NKAIN3: variants seen among roughly 807,000 people sequenced by gnomAD.
The protein encoded by NKAIN3 is sodium/potassium transporting ATPase interacting 3, also known as sodium/potassium-transporting ATPase subunit beta-1-interacting protein 3.
In NKAIN3, 25 loss-of-function variants were observed where a neutral mutation model predicts 30.2. That is an observed-to-expected ratio of 0.83 (90% CI 0.60 to 1.16). The LOEUF (loss-of-function observed/expected upper bound fraction) is 1.16. NKAIN3 is among the 50% of genes most tolerant of loss of function. The pLI is 0.00. For missense variants in NKAIN3, 225 were observed against 254.1 expected, an observed-to-expected ratio of 0.89 and a Z score of 0.78; for synonymous variants, 91 against 89.6, an observed-to-expected ratio of 1.02 and a Z score of -0.09.
intron 3 of NKAIN3, among the ~76,000 whole-genome samples, chr8:62,697,994 T>G (rs1043089653): frequency 2.6e-5 from 4 of 152,212 alleles, no homozygotes; most frequent in African/African-American, 9.6e-5. Flanking sequence ...TTGTTCATTT[T>G]GTTAACCTTT....
intron 1 of NKAIN3, among the ~76,000 whole-genome samples, chr8:62,359,329 A>C (rs1816471196): frequency 6.6e-6 from 1 of 152,234 alleles, no homozygotes. Flanking sequence ...ATTGAGACAC[A>C]GTTACAGACA....
chr8:62,729,303 A>C (rs1020429837), intron 3 of NKAIN3, among the ~76,000 whole-genome samples: 1 of 152,120 alleles, frequency 6.6e-6, no homozygotes, highest in African/African-American at 2.4e-5. Context: ...AGAAATACAA[A>C]TTAAAACAAC....
At chr8:62,869,681 G>C (rs974326510) in intron 4 of NKAIN3, among the ~76,000 whole-genome samples, 5 of 152,192 alleles carry the variant, frequency 3.3e-5, no homozygotes, top group Admixed American at 2.0e-4. Flanking sequence ...CCCCTTGCGG[G>C]GGGTAGGTGG....
At chr8:62,752,253 T>C (rs1400610776) in intron 4 of NKAIN3, among the ~76,000 whole-genome samples, 1 of 152,182 alleles carries the variant, frequency 6.6e-6, no homozygotes, top group South Asian at 2.1e-4. Flanking sequence ...ATTCAATACA[T>C]ACTAGTTTCA....
At chr8:62,931,231 A>C (rs1237014913) in intron 5 of NKAIN3, among the ~76,000 whole-genome samples, 1 of 152,230 alleles carries the variant, frequency 6.6e-6, no homozygotes, top group East Asian at 1.9e-4. Context: ...CATAAATTAA[A>C]TCTCAAGTTT....
intron 1 of NKAIN3, among the ~76,000 whole-genome samples, chr8:62,564,107 T>C (rs190913521): frequency 4.6e-5 from 7 of 152,346 alleles, no homozygotes; most frequent in Admixed American, 4.6e-4. Flanking sequence ...CTGCTTTCAA[T>C]GATTGTAACA....
intron 1 of NKAIN3, among the ~76,000 whole-genome samples, chr8:62,413,744 A>T (rs1804339639): frequency 6.6e-6 from 1 of 152,154 alleles, no homozygotes; most frequent in African/African-American, 2.4e-5. Context: ...TAAATAAAAG[A>T]TATCATAATA....
At chr8:62,692,387 C>A (rs1252502433) in intron 3 of NKAIN3, among the ~76,000 whole-genome samples, 1 of 152,094 alleles carries the variant, frequency 6.6e-6, no homozygotes, top group Non-Finnish European at 1.5e-5. Flanking sequence ...TTGAGAAAAG[C>A]ACAACACAGG....
intron 4 of NKAIN3, among the ~76,000 whole-genome samples, chr8:62,859,508 T>TAAACAAAAAAAAAAAAAAAAAAAA (rs1820173402): frequency 1.7e-5 from 1 of 60,442 alleles, no homozygotes; most frequent in African/African-American, 5.6e-5. Context: ...TTACTTCAAC[T>TAAACAAAAAAAAAAAAAAAAAAAA]AAAAAAAAAA....
At chr8:62,766,186 T>A (rs1816833027) in intron 4 of NKAIN3, among the ~76,000 whole-genome samples, 1 of 152,090 alleles carries the variant, frequency 6.6e-6, no homozygotes, top group South Asian at 2.1e-4. Flanking sequence ...AGAGAAAAAA[T>A]TATCTGACAA....
intron 1 of NKAIN3, among the ~76,000 whole-genome samples, chr8:62,354,461 T>G (rs13280851): frequency 0.076 from 11,501 of 152,212 alleles, 529 homozygotes; most frequent in Middle Eastern, 0.13. Flanking sequence ...TCTTTTTTCT[T>G]TTTTGAGACG....
At chr8:62,378,178 G>A (rs1817154551) in intron 1 of NKAIN3, among the ~76,000 whole-genome samples, 1 of 152,188 alleles carries the variant, frequency 6.6e-6, no homozygotes, top group African/African-American at 2.4e-5. Context: ...CTCTTGCTAT[G>A]CAAAGAGACT....
chr8:62,866,925 G>C (rs965773690), intron 4 of NKAIN3, among the ~76,000 whole-genome samples: 2 of 151,318 alleles, frequency 1.3e-5, no homozygotes, highest in African/African-American at 2.4e-5. Context: ...CTTGGTGGCG[G>C]GTGCCTGTAG....
intron 3 of NKAIN3, among the ~76,000 whole-genome samples, chr8:62,645,498 C>A (rs1812433644): frequency 6.6e-6 from 1 of 152,052 alleles, no homozygotes; most frequent in Non-Finnish European, 1.5e-5. Context: ...GGATAACTAT[C>A]CTTAAAGTAA....
intron 3 of NKAIN3, among the ~76,000 whole-genome samples, chr8:62,614,675 T>C (rs1324202989): frequency 6.6e-6 from 1 of 152,082 alleles, no homozygotes; most frequent in Non-Finnish European, 1.5e-5. Flanking sequence ...AAATCTACCT[T>C]GTGTTCTATT....
intron 3 of NKAIN3, among the ~76,000 whole-genome samples, chr8:62,641,923 A>G (rs1812319301): frequency 6.6e-6 from 1 of 152,078 alleles, no homozygotes; most frequent in African/African-American, 2.4e-5. Context: ...TTAGAAATGA[A>G]TAGTAGCCAT....
rs554480007 is a variant in NKAIN3, at chr8:62,429,043, C to T, written c.55-150496C>T. ...ATAGGGGTCTAGCTTCATTCTTCTG[C>T]ATATGGATATCCAGTTCTTCCAGCT... On this transcript the variant is annotated intron_variant, in intron 1 of 6. Coordinates refer to ENST00000623646, the MANE Select transcript of NKAIN3 (RefSeq NM_001304533.3). Among the ~76,000 whole-genome samples the T allele has an allele frequency of 2.6e-5, 4 of 152,040 alleles. No homozygotes were observed. In the East Asian group the frequency reaches 7.7e-4, roughly 29 times the overall value.
intron 1 of NKAIN3, among the ~76,000 whole-genome samples, chr8:62,257,639 C>T (rs1473873464): frequency 2.0e-5 from 3 of 152,184 alleles, no homozygotes; most frequent in South Asian, 2.1e-4. Context: ...TCTGCATCCT[C>T]AGTTCCATAG....
intron 4 of NKAIN3, among the ~76,000 whole-genome samples, chr8:62,882,589 A>T (rs556175741): frequency 6.6e-6 from 1 of 152,298 alleles, no homozygotes; most frequent in Admixed American, 6.5e-5. Flanking sequence ...GAGTGCTGAG[A>T]ATACAGGTGT....
Sources: allele counts gnomAD v4.1 joint callset (sites outside exome capture counted in the v4.1 genomes callset), GRCh38; gene constraint gnomAD v4.1.1; transcripts MANE v1.5; gene names NCBI Gene and HGNC (gene_info 2026-07-23, HGNC 2026-07-21).